Variants in UST observed in about 807,000 individuals in gnomAD.
The protein encoded by UST is uronyl 2-sulfotransferase, also known as chondroitin sulfate 2-O-sulfotransferase.
UST carries 21 observed loss-of-function variants against 45.6 expected under a neutral mutation model. The ratio of observed to expected loss-of-function variants is 0.46; its 90% CI spans 0.33 to 0.66. UST has a LOEUF of 0.66. Among genes scored for constraint, UST ranks in the 30% least tolerant of loss-of-function variants. The pLI, the probability that UST is intolerant of heterozygous loss-of-function variation, is 0.02. For synonymous variants in UST, 215 were observed against 200.6 expected, an observed-to-expected ratio of 1.07 and a Z score of -0.61; for missense variants, 463 against 512.4, an observed-to-expected ratio of 0.90 and a Z score of 0.93.
rs563243222 is a variant in UST at position 148,748,038 on chromosome 6, G to A, written c.247+361G>A. 6.0e-4 allele frequency among the ~76,000 whole-genome samples: 92 copies of A among 152,316 alleles called. No individual in the cohort carries two copies. The highest frequency in any genetic ancestry group is 2.2e-3 in the African/African-American group (90 of 41,574). ...TGTATCTTCAGGCCTGGCGGCGCGG[G>A]GAGTGGCGAAGGGAAGGGAAGGTCC... On this transcript the variant is annotated intron_variant, in intron 1 of 7. Transcript: ENST00000367463. The surrounding 1 kb of genome is among the most constrained non-coding windows in gnomAD (Gnocchi z 5.3).
At chr6:149,058,842 T>C (rs916828595) in intron 7 of UST, among the ~76,000 whole-genome samples, 5 of 152,202 alleles carry the variant, frequency 3.3e-5, no homozygotes, top group Non-Finnish European at 7.3e-5. Flanking sequence ...CTTCTTTTAT[T>C]GCCATCCTCA....
At chr6:149,002,510 A>G (rs1251240246) in intron 5 of UST, among the ~76,000 whole-genome samples, 1 of 151,990 alleles carries the variant, frequency 6.6e-6, no homozygotes, top group Non-Finnish European at 1.5e-5. Flanking sequence ...TTATGTATTT[A>G]TTTATTTATT....
At chr6:148,846,386 G>A (rs1353868399) in intron 1 of UST, among the ~76,000 whole-genome samples, 1 of 151,836 alleles carries the variant, frequency 6.6e-6, no homozygotes, top group Non-Finnish European at 1.5e-5. Flanking sequence ...TCATAGGTGG[G>A]AATTGAACAA....
intron 2 of UST, among the ~76,000 whole-genome samples, chr6:148,887,656 A>G (rs192160217): frequency 1.3e-5 from 2 of 152,382 alleles, no homozygotes; most frequent in Admixed American, 6.5e-5. Context: ...ATCATTGTAT[A>G]TAAGAAAATA....
chr6:148,879,725 G>T (rs921610190), intron 1 of UST, among the ~76,000 whole-genome samples: 2 of 152,142 alleles, frequency 1.3e-5, no homozygotes, highest in African/African-American at 4.8e-5. Flanking sequence ...ATGTGCTGGT[G>T]TTGTTCTGAG....
intron 5 of UST, among the ~76,000 whole-genome samples, chr6:148,980,030 C>T (rs1781099247): frequency 6.6e-6 from 1 of 152,170 alleles, no homozygotes; most frequent in African/African-American, 2.4e-5. Context: ...TATTGTGCCT[C>T]ACAATATTTC....
chr6:148,924,491 G>C (rs1431179350), intron 2 of UST, among the ~76,000 whole-genome samples: 1 of 152,200 alleles, frequency 6.6e-6, no homozygotes, highest in African/African-American at 2.4e-5. Flanking sequence ...GGGGAGAAGA[G>C]GACACTGAAG....
intron 5 of UST, among the ~76,000 whole-genome samples, chr6:148,978,168 C>T (rs890951237): frequency 6.6e-6 from 1 of 151,928 alleles, no homozygotes; most frequent in African/African-American, 2.4e-5. Context: ...AAATTATATC[C>T]CCAGGTGATA....
chr6:148,932,833 A>C (rs202098887), intron 2 of UST, among the ~76,000 whole-genome samples: 138 of 152,348 alleles, frequency 9.1e-4, no homozygotes, highest in Non-Finnish European at 1.8e-3. Context: ...GGTATACAGA[A>C]TGGAATTAAT....
chr6:148,866,085 G>T (rs184223324), intron 1 of UST, among the ~76,000 whole-genome samples: 1 of 145,144 alleles, frequency 6.9e-6, no homozygotes, highest in East Asian at 2.1e-4. Flanking sequence ...GAATTAATTA[G>T]ACTTTAAATT....
At chr6:148,825,995 CTG>C (rs1200168873) in intron 1 of UST, among the ~76,000 whole-genome samples, 1 of 152,104 alleles carries the variant, frequency 6.6e-6, no homozygotes, top group East Asian at 1.9e-4. Context: ...CAAAGAGACA[CTG>C]AGAGCTGCTA....
chr6:148,760,848 G>A (rs530256079), intron 1 of UST, among the ~76,000 whole-genome samples: 230 of 152,286 alleles, frequency 1.5e-3, no homozygotes, highest in African/African-American at 5.2e-3. Context: ...AATGGGCAGA[G>A]TACAGGAGCA....
At chr6:149,049,048 G>C (rs1443952891) in intron 7 of UST, among the ~76,000 whole-genome samples, 1 of 151,622 alleles carries the variant, frequency 6.6e-6, no homozygotes, top group Non-Finnish European at 1.5e-5. Flanking sequence ...AGGGGCATAG[G>C]TATATATAGC....
At chr6:148,904,963 A>G in intron 2 of UST, among the ~76,000 whole-genome samples, 1 of 152,234 alleles carries the variant, frequency 6.6e-6, no homozygotes, top group Non-Finnish European at 1.5e-5. Flanking sequence ...CATCAGCAGC[A>G]GGAGTTTGAA....
At chr6:148,958,332 C>T (rs1374823524) in intron 4 of UST, among the ~76,000 whole-genome samples, 4 of 152,068 alleles carry the variant, frequency 2.6e-5, no homozygotes, top group Middle Eastern at 3.2e-3. Flanking sequence ...GTTTCCTGCC[C>T]GGGGACTTAT....
chr6:148,969,000 C>T (rs2114965273), intron 5 of UST, among the ~76,000 whole-genome samples: 1 of 152,340 alleles, frequency 6.6e-6, no homozygotes, highest in African/African-American at 2.4e-5. Flanking sequence ...ATAAAGAATT[C>T]AGTGAATCAT....
At chr6:149,012,620 C>A (rs1398643104) in intron 5 of UST, among the ~76,000 whole-genome samples, 1 of 152,168 alleles carries the variant, frequency 6.6e-6, no homozygotes, top group Non-Finnish European at 1.5e-5. Flanking sequence ...CATCGTGTTA[C>A]ATTGCGTCAT....
At chr6:149,073,403 T>C (rs1776844998) in intron 7 of UST, among the ~76,000 whole-genome samples, 2 of 152,272 alleles carry the variant, frequency 1.3e-5, no homozygotes, top group South Asian at 4.1e-4. Context: ...AATTAAACTT[T>C]ATGTCAATAT....
At chr6:148,836,689 A>G (rs9399667) in intron 1 of UST, among the ~76,000 whole-genome samples, 11,402 of 152,220 alleles carry the variant, frequency 0.075, 689 homozygotes, top group East Asian at 0.31. Flanking sequence ...AAGACTTGTT[A>G]CTATTTTAAG....
Sources: allele counts gnomAD v4.1 joint callset (sites outside exome capture counted in the v4.1 genomes callset), GRCh38; gene constraint gnomAD v4.1.1; non-coding constraint Gnocchi (gnomAD v3.1); transcripts MANE v1.5; gene names NCBI Gene and HGNC (gene_info 2026-07-23, HGNC 2026-07-21).